TAB2: variants seen among roughly 807,000 people sequenced by gnomAD.
The protein encoded by TAB2 is TGF-beta activated kinase 1 (MAP3K7) binding protein 2.
TAB2 carries 3 observed loss-of-function variants against 65.0 expected under a neutral mutation model. That is an observed-to-expected ratio of 0.05 (90% CI 0.02 to 0.12). The LOEUF is 0.12. Among genes scored for constraint, TAB2 ranks in the 10% least tolerant of loss-of-function variants. TAB2 has a pLI of 1.00. For missense variants in TAB2, 623 were observed against 840.3 expected, an observed-to-expected ratio of 0.74 and a Z score of 3.20; for synonymous variants, 298 against 285.1, an observed-to-expected ratio of 1.05 and a Z score of -0.46.
chr6:149,347,579 T>A (rs1213461670), intron 1 of TAB2, among the ~76,000 whole-genome samples: 1 of 152,192 alleles, frequency 6.6e-6, no homozygotes, highest in Non-Finnish European at 1.5e-5. Flanking sequence ...TGATTTAGTA[T>A]TATAAATGTT....
chr6:149,332,329 G>A (rs762483331), intron 1 of TAB2, among the ~76,000 whole-genome samples: 1 of 152,240 alleles, frequency 6.6e-6, no homozygotes, highest in South Asian at 2.1e-4. Flanking sequence ...AGTGGTATTT[G>A]TTTAAAACTA....
At chr6:149,408,502 G>C (rs1201506731) in intron 6 of TAB2, among the ~76,000 whole-genome samples, 1 of 152,078 alleles carries the variant, frequency 6.6e-6, no homozygotes, top group Non-Finnish European at 1.5e-5. Context: ...TTATTTACTT[G>C]TTACAATAGT....
intron 1 of TAB2, among the ~76,000 whole-genome samples, chr6:149,251,671 G>T (rs994796180): frequency 2.0e-5 from 3 of 152,090 alleles, no homozygotes; most frequent in Non-Finnish European, 4.4e-5. Flanking sequence ...ACAGGAGAAT[G>T]GTCTCCCCAC....
At chr6:149,353,468 T>C (rs1233529947) in intron 1 of TAB2, among the ~76,000 whole-genome samples, 1 of 152,206 alleles carries the variant, frequency 6.6e-6, no homozygotes, top group Non-Finnish European at 1.5e-5. Context: ...CCAAGTGATT[T>C]AGATGTGCAT....
intron 1 of TAB2, among the ~76,000 whole-genome samples, chr6:149,319,802 A>G (rs1225395538): frequency 3.9e-5 from 6 of 152,198 alleles, no homozygotes; most frequent in Non-Finnish European, 8.8e-5. Flanking sequence ...TCCTGAGTTT[A>G]AAAGTATTCT....
rs141293457 is a variant in TAB2 at position 149,388,675 on chromosome 6, T to C, written c.1604-8929T>C. Among the ~76,000 whole-genome samples the C allele has an allele frequency of 9.7e-4, 148 of 152,344 alleles. 2 individuals are homozygous for C. In the East Asian group the frequency reaches 0.024, roughly 25 times the overall value. On this transcript the variant is annotated intron_variant, in intron 3 of 6. Coordinates refer to ENST00000637181, the MANE Select transcript of TAB2 (RefSeq NM_001292034.3). ...TCATCTTTTTCTTGGGAGCTTAATT[T>C]GCATATTTAAATACGATTGAGGTTG...
At chr6:149,306,620 C>CTACAA (rs944447693) in intron 1 of TAB2, among the ~76,000 whole-genome samples, 3 of 151,516 alleles carry the variant, frequency 2.0e-5, no homozygotes, top group Non-Finnish European at 4.4e-5. Flanking sequence ...GGTGTAGTGG[C>CTACAA]GCAGCCCTGT....
At chr6:149,303,829 G>T (rs1779011464) in intron 1 of TAB2, among the ~76,000 whole-genome samples, 1 of 152,224 alleles carries the variant, frequency 6.6e-6, no homozygotes, top group Non-Finnish European at 1.5e-5. Flanking sequence ...ATGGCAGATG[G>T]AAAGGTAAAG....
intron 1 of TAB2, among the ~76,000 whole-genome samples, chr6:149,252,228 G>A (rs886404063): frequency 3.3e-5 from 5 of 151,950 alleles, no homozygotes; most frequent in African/African-American, 7.3e-5. Context: ...CCAACATGGA[G>A]AAACCCATCT....
intron 1 of TAB2, among the ~76,000 whole-genome samples, chr6:149,363,991 C>G (rs1379682872): frequency 6.6e-6 from 1 of 152,106 alleles, no homozygotes; most frequent in Non-Finnish European, 1.5e-5. Flanking sequence ...ACACCTCCTT[C>G]GCTTTTGCCC....
chr6:149,402,789 G>A (rs1259875633), intron 6 of TAB2, among the ~76,000 whole-genome samples: 1 of 152,092 alleles, frequency 6.6e-6, no homozygotes, highest in African/African-American at 2.4e-5. Flanking sequence ...TGACCAAGTG[G>A]GGTTTATCTC....
intron 1 of TAB2, among the ~76,000 whole-genome samples, chr6:149,351,021 G>A (rs1301579435): frequency 6.6e-6 from 1 of 151,460 alleles, no homozygotes; most frequent in East Asian, 1.9e-4. Context: ...TTTCCTCTTT[G>A]TCCCTCCTTT....
intron 1 of TAB2, among the ~76,000 whole-genome samples, chr6:149,235,943 A>G (rs1777486347): frequency 6.6e-6 from 1 of 152,212 alleles, no homozygotes; most frequent in Non-Finnish European, 1.5e-5. Flanking sequence ...TTTATTCCCC[A>G]AAAGAAAACT....
chr6:149,384,744 G>A (rs1370789709), intron 3 of TAB2, among the ~76,000 whole-genome samples: 1 of 152,072 alleles, frequency 6.6e-6, no homozygotes, highest in Non-Finnish European at 1.5e-5. Context: ...TGTCTTCATA[G>A]TGGTATACCT....
intron 1 of TAB2, among the ~76,000 whole-genome samples, chr6:149,282,682 A>C (rs1421943522): frequency 2.0e-5 from 3 of 152,248 alleles, no homozygotes; most frequent in Non-Finnish European, 4.4e-5. Context: ...TAAGAGCATT[A>C]TTCACTGATT....
chr6:149,221,887 C>T (rs989162804), intron 1 of TAB2, among the ~76,000 whole-genome samples: 2 of 152,104 alleles, frequency 1.3e-5, no homozygotes, highest in Non-Finnish European at 2.9e-5. Flanking sequence ...GTTACTCACC[C>T]GTTCTTGACC....
chr6:149,356,744 C>G (rs1780666315), intron 1 of TAB2, among the ~76,000 whole-genome samples: 1 of 152,144 alleles, frequency 6.6e-6, no homozygotes, highest in Non-Finnish European at 1.5e-5. Context: ...GAGGATGGAT[C>G]TAAAGCATAA....
At chr6:149,249,472 TTC>T (rs1010958001) in intron 1 of TAB2, among the ~76,000 whole-genome samples, 1 of 149,746 alleles carries the variant, frequency 6.7e-6, no homozygotes, top group Non-Finnish European at 1.5e-5. Flanking sequence ...ATCTCTGTCT[TTC>T]TCTCTGTCTC....
At chr6:149,358,590 A>G (rs1179060539) in intron 1 of TAB2, among the ~76,000 whole-genome samples, 2 of 138,462 alleles carry the variant, frequency 1.4e-5, no homozygotes, top group Non-Finnish European at 3.1e-5. Flanking sequence ...CTGCAGTTTC[A>G]CTACAATACA....
Sources: allele counts gnomAD v4.1 joint callset (sites outside exome capture counted in the v4.1 genomes callset), GRCh38; gene constraint gnomAD v4.1.1; transcripts MANE v1.5; gene names NCBI Gene and HGNC (gene_info 2026-07-23, HGNC 2026-07-21).